ANKFN1: variants seen among roughly 807,000 people sequenced by gnomAD.
The protein encoded by ANKFN1 is ankyrin repeat and fibronectin type-III domain-containing protein 1.
Under a neutral mutation model 108.7 loss-of-function variants are expected in ANKFN1, and 74 were observed. The ratio of observed to expected loss-of-function variants is 0.68; its 90% CI spans 0.56 to 0.83. ANKFN1 has a LOEUF of 0.83. ANKFN1 is among the 40% of genes least tolerant of loss of function. The probability of loss-of-function intolerance (pLI) is 0.00; values close to 1 mark genes in which losing one functional copy is unlikely to be tolerated. For missense variants in ANKFN1, 1,505 were observed against 1,382.3 expected (o/e 1.09, Z -1.41); for synonymous variants, 547 against 516.2 (o/e 1.06, Z -0.81).
chr17:56,064,761 C>G (rs1044698721), intron 4 of ANKFN1, among the ~76,000 whole-genome samples: 3 of 152,214 alleles, frequency 2.0e-5, no homozygotes, highest in African/African-American at 4.8e-5. Context: ...TGCCCCTCCC[C>G]CCAGGAGCTA....
At chr17:56,101,202 A>G (rs556523535) in intron 4 of ANKFN1, among the ~76,000 whole-genome samples, 4 of 152,326 alleles carry the variant, frequency 2.6e-5, no homozygotes, top group African/African-American at 9.6e-5. Context: ...ATAAATGTCT[A>G]TTAACACTGG....
At chr17:56,418,434 T>C (rs1034088520) in intron 8 of ANKFN1, among the ~76,000 whole-genome samples, 3 of 152,150 alleles carry the variant, frequency 2.0e-5, no homozygotes, top group African/African-American at 7.2e-5. Context: ...GTAAGAGTAA[T>C]GCAGAGTGAA....
In ANKFN1 at chr17:56,399,955, A is replaced by G. The variant is rs549563750; in HGVS notation, c.910+25241A>G. Among the ~76,000 whole-genome samples the G allele has an allele frequency of 9.5e-4, 142 of 149,066 alleles. 1 individual carries two copies. The East Asian group carries it at 9.7e-3, about 10-fold the overall frequency. On this transcript the variant is annotated intron_variant, in intron 8 of 20. Transcript: ENST00000682825. ...TATATATACAGTGATATATATATATATATCACAATTTTTTTAATCCACTTG... is the reference window on the plus strand; with the variant it reads ...TATATATACAGTGATATATATATATGTATCACAATTTTTTTAATCCACTTG...
intron 19 of ANKFN1, among the ~76,000 whole-genome samples, chr17:56,498,325 A>G (rs879540989): frequency 5.3e-5 from 8 of 152,180 alleles, no homozygotes; most frequent in Admixed American, 5.2e-4. Flanking sequence ...TCTAGTTCAC[A>G]TATAAGAACT....
chr17:56,067,419 TG>T (rs1905073700), intron 4 of ANKFN1, among the ~76,000 whole-genome samples: 1 of 152,206 alleles, frequency 6.6e-6, no homozygotes, highest in African/African-American at 2.4e-5. Flanking sequence ...CCTTCCTCGG[TG>T]CCTTCTTTAT....
At chr17:56,455,839 G>T (rs1285422758) in intron 11 of ANKFN1, among the ~76,000 whole-genome samples, 1 of 152,174 alleles carries the variant, frequency 6.6e-6, no homozygotes, top group Non-Finnish European at 1.5e-5. Context: ...ATAAATATTT[G>T]TCCAATTAAT....
intron 4 of ANKFN1, among the ~76,000 whole-genome samples, chr17:56,346,207 G>C (rs1339725569): frequency 6.6e-6 from 1 of 151,966 alleles, no homozygotes; most frequent in Admixed American, 6.6e-5. Context: ...GTAAATGTGT[G>C]GTGTTACTTC....
chr17:56,321,574 C>T (rs1166450947), intron 3 of ANKFN1, among the ~76,000 whole-genome samples: 1 of 151,920 alleles, frequency 6.6e-6, no homozygotes. Flanking sequence ...TGGAACTAAC[C>T]ACAGGGCAGA....
intron 4 of ANKFN1, among the ~76,000 whole-genome samples, chr17:56,332,821 G>C (rs2045700925): frequency 6.6e-6 from 1 of 151,736 alleles, no homozygotes; most frequent in South Asian, 2.1e-4. Flanking sequence ...TTCCATTTCT[G>C]TAAAAATTTT....
At chr17:56,469,692 G>T (rs1307309899) in intron 15 of ANKFN1, among the ~76,000 whole-genome samples, 1 of 152,252 alleles carries the variant, frequency 6.6e-6, no homozygotes. Flanking sequence ...ATGAAGATAG[G>T]TGAGTTAGTA....
intron 4 of ANKFN1, among the ~76,000 whole-genome samples, chr17:56,069,882 A>G (rs987208491): frequency 6.6e-6 from 1 of 152,222 alleles, no homozygotes; most frequent in African/African-American, 2.4e-5. Context: ...TTTCTTGATT[A>G]TATGCTACAT....
At chr17:56,456,374 T>G (rs1390230965) in intron 11 of ANKFN1, among the ~76,000 whole-genome samples, 6 of 150,812 alleles carry the variant, frequency 4.0e-5, no homozygotes, top group African/African-American at 1.5e-4. Context: ...CACTGGCATC[T>G]CAAGATACCA....
At chr17:56,145,209 G>A (rs1232668192) in intron 4 of ANKFN1, among the ~76,000 whole-genome samples, 1 of 152,174 alleles carries the variant, frequency 6.6e-6, no homozygotes, top group Admixed American at 6.5e-5. Flanking sequence ...CCATGGAATG[G>A]GTACAAAAGA....
At chr17:56,364,816 G>A (rs2046618882) in intron 6 of ANKFN1, among the ~76,000 whole-genome samples, 1 of 152,178 alleles carries the variant, frequency 6.6e-6, no homozygotes, top group Non-Finnish European at 1.5e-5. Flanking sequence ...TAAGTTATAG[G>A]AGAAGAAAGT....
At chr17:56,117,107 T>C (rs1906328478) in intron 4 of ANKFN1, among the ~76,000 whole-genome samples, 1 of 152,204 alleles carries the variant, frequency 6.6e-6, no homozygotes. Flanking sequence ...TTCTTCATAA[T>C]TCTTGTCACC....
chr17:56,463,234 T>C (rs1216900749), intron 14 of ANKFN1, among the ~76,000 whole-genome samples: 6 of 152,186 alleles, frequency 3.9e-5, no homozygotes, highest in Non-Finnish European at 4.4e-5. Context: ...ATGGTATTCT[T>C]TTAACAGATC....
chr17:56,295,499 T>G (rs2044483727), intron 3 of ANKFN1, among the ~76,000 whole-genome samples: 1 of 152,070 alleles, frequency 6.6e-6, no homozygotes, highest in African/African-American at 2.4e-5. Flanking sequence ...GGCCCAGCAG[T>G]TTTTAACAAT....
chr17:56,218,755 T>C (rs1166614511), intron 2 of ANKFN1, among the ~76,000 whole-genome samples: 1 of 152,160 alleles, frequency 6.6e-6, no homozygotes, highest in Non-Finnish European at 1.5e-5. Context: ...TTTGTGACAG[T>C]CCCTCTCCCT....
chr17:56,112,094 T>C (rs963650343), intron 4 of ANKFN1, among the ~76,000 whole-genome samples: 4 of 152,222 alleles, frequency 2.6e-5, no homozygotes, highest in Admixed American at 6.5e-5. Flanking sequence ...AAAATTGTTA[T>C]AGTGATATAA....
Sources: allele counts gnomAD v4.1 joint callset (sites outside exome capture counted in the v4.1 genomes callset), GRCh38; gene constraint gnomAD v4.1.1; transcripts MANE v1.5; gene names NCBI Gene and HGNC (gene_info 2026-07-23, HGNC 2026-07-21).